ARHGAP44: variants seen among roughly 807,000 people sequenced by gnomAD.
ARHGAP44 encodes the protein Rho GTPase activating protein 44, also known as rho GTPase-activating protein 44.
A neutral mutation model predicts 106.8 loss-of-function variants in ARHGAP44; 43 were observed. That is an observed-to-expected ratio of 0.40 (90% CI 0.32 to 0.52). The LOEUF (loss-of-function observed/expected upper bound fraction) is 0.52, where lower values mean the gene tolerates loss of function less well. Among genes scored for constraint, ARHGAP44 ranks in the 20% least tolerant of loss-of-function variants. ARHGAP44 has a pLI of 0.48. For synonymous variants in ARHGAP44, 439 were observed against 410.3 expected (o/e 1.07, Z -0.85); for missense variants, 866 against 1,050.5 (o/e 0.82, Z 2.43).
At chr17:12,956,127 G>A in intron 14 of ARHGAP44, 147 bp downstream of exon 14, 1 of 618,800 alleles carries the variant, frequency 1.6e-6, no homozygotes, top group South Asian at 2.2e-5. Context: ...CCTCTTTTAG[G>A]CTGAGGAGGA....
At chr17:12,930,232 T>C (rs2038358797) in intron 7 of ARHGAP44, among the ~76,000 whole-genome samples, 1 of 151,848 alleles carries the variant, frequency 6.6e-6, no homozygotes, top group African/African-American at 2.4e-5. Flanking sequence ...TTCTTTTCTC[T>C]CTCTCTCTTT....
chr17:12,919,619 C>G, intron 5 of ARHGAP44, 136 bp from the exon 6 acceptor site: 1 of 591,414 alleles, frequency 1.7e-6, no homozygotes, highest in Non-Finnish European at 2.9e-6. Context: ...CTCCTGACCT[C>G]AGGTGATCCA....
chr17:12,945,243 C>T (rs1362790460), intron 10 of ARHGAP44, among the ~76,000 whole-genome samples: 1 of 152,030 alleles, frequency 6.6e-6, no homozygotes, highest in African/African-American at 2.4e-5. Flanking sequence ...CTCCTGACCT[C>T]AAGTGATCTG....
At chr17:12,905,260 C>T (rs1460482220) in intron 3 of ARHGAP44, among the ~76,000 whole-genome samples, 2 of 152,026 alleles carry the variant, frequency 1.3e-5, no homozygotes, top group Admixed American at 6.6e-5. Flanking sequence ...GGTTATGCTC[C>T]TTGTTAAAAT....
At chr17:12,919,081 G>A (rs1598053390) in intron 5 of ARHGAP44, among the ~76,000 whole-genome samples, 1 of 152,160 alleles carries the variant, frequency 6.6e-6, no homozygotes, top group African/African-American at 2.4e-5. Flanking sequence ...TGTGACGATG[G>A]TTAATGATAC....
chr17:12,804,622 G>A (rs1840009241), intron 1 of ARHGAP44, among the ~76,000 whole-genome samples: 1 of 152,236 alleles, frequency 6.6e-6, no homozygotes, highest in South Asian at 2.1e-4. Flanking sequence ...TGTAGGATGT[G>A]TCATGGAGAT....
At chr17:12,919,943 A>G in intron 6 of ARHGAP44, 112 bp downstream of exon 6, 1 of 813,490 alleles carries the variant, frequency 1.2e-6, no homozygotes, top group Non-Finnish European at 2.0e-6. Context: ...TTTTCTGGAC[A>G]CCTAACGTGT....
intron 16 of ARHGAP44, 130 bp from the exon 17 acceptor site, chr17:12,973,172 T>G: frequency 1.1e-6 from 1 of 877,704 alleles, no homozygotes; most frequent in Non-Finnish European, 1.7e-6. Context: ...AATAATTTTA[T>G]AGCACAATAA....
intron 1 of ARHGAP44, among the ~76,000 whole-genome samples, chr17:12,857,521 T>C (rs2035946175): frequency 6.6e-6 from 1 of 152,174 alleles, no homozygotes; most frequent in South Asian, 2.1e-4. Flanking sequence ...TGACCTTATC[T>C]AGTCCTAATT....
intron 1 of ARHGAP44, among the ~76,000 whole-genome samples, chr17:12,881,000 A>G (rs373142051): frequency 1.9e-4 from 29 of 152,236 alleles, no homozygotes; most frequent in East Asian, 1.4e-3. Context: ...GAAGTTGACC[A>G]AGCTTTTATA....
rs147437824 is a variant in ARHGAP44, at chr17:12,961,195, C to T, written c.1523+2298C>T. Reference sequence around the variant, plus strand: ...TGAGAGAGAGTTACCACTGCAGATGCATTGGAGTACTCAGAGTTCACTGGC... The same window carrying T: ...TGAGAGAGAGTTACCACTGCAGATGTATTGGAGTACTCAGAGTTCACTGGC... On this transcript the variant is annotated intron_variant, in intron 16 of 20. Coordinates refer to ENST00000379672, the MANE Select transcript of ARHGAP44 (RefSeq NM_014859.6). Among the ~76,000 whole-genome samples the T allele has an allele frequency of 4.4e-3, 672 of 152,292 alleles. 2 individuals carry two copies. The highest frequency in any genetic ancestry group is 0.013 in the African/African-American group (529 of 41,562).
At chr17:12,891,555 C>G in intron 1 of ARHGAP44, among the ~76,000 whole-genome samples, 1 of 152,072 alleles carries the variant, frequency 6.6e-6, no homozygotes, top group South Asian at 2.1e-4. Context: ...GGGTTGTGTC[C>G]CCTTACCCAT....
At chr17:12,905,138 T>A (rs913937198) in intron 3 of ARHGAP44, among the ~76,000 whole-genome samples, 8 of 150,548 alleles carry the variant, frequency 5.3e-5, no homozygotes, top group Admixed American at 4.0e-4. Flanking sequence ...GGTCTCAAAC[T>A]CCTGACCTCA....
At chr17:12,973,588 G>C (rs1488230419) in intron 17 of ARHGAP44, 1 of 541,634 alleles carries the variant, frequency 1.8e-6, no homozygotes, top group Non-Finnish European at 3.2e-6. Context: ...GCTGGGGCTA[G>C]ACTCCAAGTT....
At chr17:12,944,324 G>A in intron 10 of ARHGAP44, 128 bp downstream of exon 10, 1 of 1,188,696 alleles carries the variant, frequency 8.4e-7, no homozygotes, top group African/African-American at 1.5e-5. Context: ...TTAAGACAGT[G>A]GCTCAGACCC....
chr17:12,989,740 T>C, intron 20 of ARHGAP44, among the ~76,000 whole-genome samples: 1 of 152,160 alleles, frequency 6.6e-6, no homozygotes, highest in East Asian at 1.9e-4. Flanking sequence ...ATCCTTCTTA[T>C]CAAGAATAAA....
At chr17:12,940,954 A>T in intron 7 of ARHGAP44, 102 bp from the exon 8 acceptor site, 2 of 912,986 alleles carry the variant, frequency 2.2e-6, no homozygotes, top group Non-Finnish European at 3.4e-6. Flanking sequence ...AAGGAGATTA[A>T]GCAGTGTTTA....
At chr17:12,816,538 A>G (rs953613561) in intron 1 of ARHGAP44, among the ~76,000 whole-genome samples, 1 of 152,232 alleles carries the variant, frequency 6.6e-6, no homozygotes, top group African/African-American at 2.4e-5. Flanking sequence ...AAACTAAAAA[A>G]TTACTGCAAA....
chr17:12,913,995 C>G (rs1246785810), intron 4 of ARHGAP44, among the ~76,000 whole-genome samples: 3 of 101,012 alleles, frequency 3.0e-5, no homozygotes, highest in Non-Finnish European at 4.8e-5. Context: ...AAAAAAGGCA[C>G]CATTAAAGAC....
Sources: gnomAD v4.1 joint callset for allele counts (sites outside exome capture counted in the v4.1 genomes callset) on GRCh38, gnomAD v4.1.1 for gene constraint, MANE v1.5 for transcripts, NCBI Gene and HGNC (gene_info 2026-07-23, HGNC 2026-07-21) for gene names.